Variants in DLG2 observed in about 807,000 individuals in gnomAD.
The protein encoded by DLG2 is discs large MAGUK scaffold protein 2, also known as disks large homolog 2.
Under a neutral mutation model 132.5 loss-of-function variants are expected in DLG2, and 45 were observed. That is an observed-to-expected ratio of 0.34 (90% confidence interval 0.27 to 0.44). The LOEUF is 0.44. DLG2 is among the 20% of genes least tolerant of loss of function. DLG2 has a pLI of 1.00. For missense variants in DLG2, 1,045 were observed against 1,196.9 expected (o/e 0.87, Z 1.87); for synonymous variants, 424 against 419.6 (o/e 1.01, Z -0.13).
Position 84,967,297 on chromosome 11 carries a change from A to G in DLG2, c.357+144364T>C, listed in dbSNP as rs147186432. 8.0e-4 allele frequency among the ~76,000 whole-genome samples: 122 copies of G among 152,278 alleles called. 1 individual carries two copies. Among genetic ancestry groups the G allele is most frequent in the African/African-American group, 2.7e-3 (113 of 41,586 alleles). On this transcript the variant is annotated intron_variant, in intron 6 of 27. Coordinates refer to ENST00000376104, the MANE Select transcript of DLG2 (RefSeq NM_001142699.3). ...GGAAAGGTCATTTCATAAATGAAAT[A>G]TGCTGGTTGCCAGTGAAAAATTACT...
In DLG2 at chr11:83,520,623, G is replaced by A. The variant is rs12808284; in HGVS notation, c.2193+12085C>T. On this transcript the variant is annotated intron_variant, in intron 21 of 27. Transcript: ENST00000376104. ...GATAGAAAGACAGACAGACAGGTAG[G>A]TAGATAGGTAGGTAGGTAGATAGAT... 9.1e-5 allele frequency among the ~76,000 whole-genome samples: 10 copies of A among 109,848 alleles called. No homozygotes were observed. The East Asian group carries it at 2.7e-3, about 30-fold the overall frequency. 72.1% of individuals were successfully genotyped at this position (109,848 alleles called of 152,430 possible). A position where few individuals can be genotyped will look rare whatever the true frequency, so the allele number is the denominator to read the frequency against.
At chr11:84,062,076 T>A (rs2096600237) in intron 10 of DLG2, among the ~76,000 whole-genome samples, 1 of 152,288 alleles carries the variant, frequency 6.6e-6, no homozygotes. Flanking sequence ...TTAAAAAAAA[T>A]TCTGGAGGCT....
intron 9 of DLG2, among the ~76,000 whole-genome samples, chr11:84,121,669 C>T (rs1174506113): frequency 1.3e-5 from 2 of 149,154 alleles, no homozygotes; most frequent in East Asian, 4.2e-4. Context: ...TCACGCCATT[C>T]TCCTGCCTCA....
intron 7 of DLG2, among the ~76,000 whole-genome samples, chr11:84,338,636 A>T (rs1257173310): frequency 6.6e-6 from 1 of 151,994 alleles, no homozygotes; most frequent in Non-Finnish European, 1.5e-5. Context: ...CAACCTGGCT[A>T]ACATGCTGAA....
chr11:84,281,147 G>T (rs1033453606), intron 7 of DLG2, among the ~76,000 whole-genome samples: 1 of 152,034 alleles, frequency 6.6e-6, no homozygotes, highest in Non-Finnish European at 1.5e-5. Context: ...CACACCTCTT[G>T]TTACATGTTA....
chr11:83,946,880 T>C (rs1243562749), intron 14 of DLG2, among the ~76,000 whole-genome samples: 4 of 152,298 alleles, frequency 2.6e-5, no homozygotes, highest in African/African-American at 4.8e-5. Flanking sequence ...TCACTGTGAG[T>C]GCCACACTCA....
At chr11:83,584,960 T>C (rs1269757957) in intron 19 of DLG2, among the ~76,000 whole-genome samples, 1 of 152,224 alleles carries the variant, frequency 6.6e-6, no homozygotes, top group African/African-American at 2.4e-5. Flanking sequence ...GTGAAATTAC[T>C]CCTCTACTTT....
chr11:83,871,249 T>G (rs1482781803), intron 16 of DLG2, among the ~76,000 whole-genome samples: 1 of 152,236 alleles, frequency 6.6e-6, no homozygotes, highest in Non-Finnish European at 1.5e-5. Flanking sequence ...AGGGATATTA[T>G]TCTTCCTCAT....
At chr11:84,430,823 G>A (rs1043354831) in intron 7 of DLG2, among the ~76,000 whole-genome samples, 8 of 152,300 alleles carry the variant, frequency 5.3e-5, no homozygotes, top group African/African-American at 1.4e-4. Flanking sequence ...ACTGCAGCAG[G>A]GCTGCGTTCA....
chr11:84,486,962 C>T (rs1409103689), intron 7 of DLG2, among the ~76,000 whole-genome samples: 2 of 152,010 alleles, frequency 1.3e-5, no homozygotes, highest in African/African-American at 2.4e-5. Flanking sequence ...TTACTCTGAC[C>T]TGAGAAGGCC....
At chr11:85,260,464 G>A (rs552380831) in intron 4 of DLG2, among the ~76,000 whole-genome samples, 14 of 152,238 alleles carry the variant, frequency 9.2e-5, no homozygotes, top group Admixed American at 8.5e-4. Context: ...CATGAAAGCT[G>A]AAAGTTTCAA....
At chr11:85,617,463 C>T (rs931366769) in intron 2 of DLG2, among the ~76,000 whole-genome samples, 1 of 152,162 alleles carries the variant, frequency 6.6e-6, no homozygotes, top group Non-Finnish European at 1.5e-5. Context: ...ATTGAAATTG[C>T]CTGTTTTTGC....
intron 6 of DLG2, among the ~76,000 whole-genome samples, chr11:84,540,441 A>C (rs2099365681): frequency 6.6e-6 from 1 of 152,202 alleles, no homozygotes. Flanking sequence ...CACATGAAAA[A>C]ATGCTCATCA....
chr11:83,579,654 TG>T (rs1332851387), intron 19 of DLG2, among the ~76,000 whole-genome samples: 1 of 151,778 alleles, frequency 6.6e-6, no homozygotes, highest in African/African-American at 2.4e-5. Context: ...AAAATGAATT[TG>T]AAAAAAAATA....
intron 6 of DLG2, among the ~76,000 whole-genome samples, chr11:84,631,978 T>C (rs1192627815): frequency 6.6e-6 from 1 of 152,172 alleles, no homozygotes; most frequent in Non-Finnish European, 1.5e-5. Flanking sequence ...GAGAAGTCCC[T>C]AACATAATAT....
Position 84,776,132 on chromosome 11 carries a change from T to C in DLG2, c.358-241401A>G, listed in dbSNP as rs191778379. Among the ~76,000 whole-genome samples, 6 of 152,304 alleles carry C rather than the reference T, an allele frequency of 3.9e-5. No individual in the cohort carries two copies. The East Asian group carries it at 9.6e-4, about 24-fold the overall frequency. ...TTTTTGTTTATTGAGGTACACCTTT[T>C]TAGGCATGTACAATTCTATCACTTT... On this transcript the variant is annotated intron_variant, in intron 6 of 27. Coordinates refer to ENST00000376104, the MANE Select transcript of DLG2 (RefSeq NM_001142699.3).
chr11:83,816,951 T>C (rs538104730), intron 17 of DLG2, among the ~76,000 whole-genome samples: 1 of 149,668 alleles, frequency 6.7e-6, no homozygotes, highest in African/African-American at 2.5e-5. Flanking sequence ...GTACCTAACA[T>C]TGTGTCCTGC....
chr11:83,765,036 A>T (rs968374740), intron 18 of DLG2, among the ~76,000 whole-genome samples: 1 of 152,160 alleles, frequency 6.6e-6, no homozygotes, highest in African/African-American at 2.4e-5. Context: ...TTAAAATTAC[A>T]TGTTCTGTTA....
intron 6 of DLG2, among the ~76,000 whole-genome samples, chr11:84,650,814 T>C (rs956431476): frequency 6.7e-6 from 1 of 149,252 alleles, no homozygotes; most frequent in African/African-American, 2.5e-5. Flanking sequence ...TAATGGATTT[T>C]ACCATAACAG....
Sources: allele counts gnomAD v4.1 joint callset (sites outside exome capture counted in the v4.1 genomes callset), GRCh38; gene constraint gnomAD v4.1.1; transcripts MANE v1.5; gene names NCBI Gene and HGNC (gene_info 2026-07-23, HGNC 2026-07-21).